The following FOCAD variants were observed in gnomAD, a reference collection of about 807,000 sequenced individuals.
The protein encoded by FOCAD is focadhesin, also known as KIAA1797.
A neutral mutation model predicts 225.6 loss-of-function variants in FOCAD; 198 were observed. The ratio of observed to expected loss-of-function variants is 0.88; its 90% CI spans 0.78 to 0.99. The LOEUF (loss-of-function observed/expected upper bound fraction) is 0.99. Ranked by LOEUF, FOCAD falls within the 50% of genes least tolerant of loss-of-function variation. The probability of loss-of-function intolerance (pLI) is 0.00; values close to 1 mark genes in which losing one functional copy is unlikely to be tolerated. For missense variants in FOCAD, 2,713 were observed against 2,123.6 expected (o/e 1.28, Z -5.46); for synonymous variants, 897 against 755.0 (o/e 1.19, Z -3.08).
intron 2 of FOCAD, among the ~76,000 whole-genome samples, chr9:20,662,146 T>C (rs953967117): frequency 3.3e-5 from 5 of 152,192 alleles, no homozygotes; most frequent in Non-Finnish European, 7.3e-5. Flanking sequence ...TTTTATTTTT[T>C]AAATGTGGCT....
chr9:20,942,888 G>A (rs1241259906), intron 28 of FOCAD, among the ~76,000 whole-genome samples: 1 of 152,162 alleles, frequency 6.6e-6, no homozygotes, highest in East Asian at 1.9e-4. Context: ...TATTAAAGAG[G>A]CTCTCTGCTG....
chr9:20,978,254 G>A (rs1840380433), intron 36 of FOCAD, 85 bp from the exon 37 acceptor site: 1 of 785,122 alleles, frequency 1.3e-6, no homozygotes, highest in African/African-American at 1.8e-5. Flanking sequence ...CACATAAGCA[G>A]ATGCTTTGAT....
intron 11 of FOCAD, among the ~76,000 whole-genome samples, chr9:20,810,165 T>G (rs1021806157): frequency 2.6e-5 from 4 of 152,158 alleles, no homozygotes; most frequent in Non-Finnish European, 4.4e-5. Flanking sequence ...CCTTTCCCAG[T>G]GAAGTCACAC....
chr9:20,784,469 A>C (rs1284614428), intron 10 of FOCAD, among the ~76,000 whole-genome samples: 1 of 152,204 alleles, frequency 6.6e-6, no homozygotes, highest in Non-Finnish European at 1.5e-5. Context: ...AGGAAGTAAG[A>C]AAGAATCGGA....
intron 4 of FOCAD, among the ~76,000 whole-genome samples, chr9:20,728,941 C>T (rs1038593699): frequency 1.3e-5 from 2 of 152,170 alleles, no homozygotes; most frequent in Non-Finnish European, 2.9e-5. Context: ...TTCTTTCTTC[C>T]TGCAGACTTT....
At chr9:20,709,906 T>G (rs1005554640) in intron 1 of FOCAD, among the ~76,000 whole-genome samples, 1 of 152,176 alleles carries the variant, frequency 6.6e-6, no homozygotes, top group African/African-American at 2.4e-5. Context: ...AACAACACTG[T>G]TTTTCCACAG....
intron 34 of FOCAD, among the ~76,000 whole-genome samples, chr9:20,952,709 C>A (rs1837795625): frequency 6.6e-6 from 1 of 151,676 alleles, no homozygotes; most frequent in Non-Finnish European, 1.5e-5. Flanking sequence ...TTTTTTTAAA[C>A]CACTTCACTC....
intron 1 of FOCAD, among the ~76,000 whole-genome samples, chr9:20,694,027 A>C (rs1823144387): frequency 6.6e-6 from 1 of 152,188 alleles, no homozygotes; most frequent in Admixed American, 6.5e-5. Context: ...CATTTTTTAA[A>C]AGAGGTCTTC....
chr9:20,909,778 C>A (rs758976652), intron 22 of FOCAD, among the ~76,000 whole-genome samples: 1 of 152,044 alleles, frequency 6.6e-6, no homozygotes, highest in Non-Finnish European at 1.5e-5. Context: ...TGAGTCCACA[C>A]GCTTAAATAG....
chr9:20,773,250 CTT>C (rs1301456909), intron 8 of FOCAD, among the ~76,000 whole-genome samples: 1 of 152,170 alleles, frequency 6.6e-6, no homozygotes, highest in Non-Finnish European at 1.5e-5. Flanking sequence ...ATGGCAAACA[CTT>C]TGCTATGGCA....
chr9:20,946,341 A>G (rs1373154115), intron 29 of FOCAD, among the ~76,000 whole-genome samples: 2 of 152,160 alleles, frequency 1.3e-5, no homozygotes, highest in Non-Finnish European at 2.9e-5. Context: ...CCCACTGGTG[A>G]TGAAAATCTG....
chr9:20,993,231 C>T (rs1372245366), intron 42 of FOCAD, 22 bp from the exon 43 acceptor site: 2 of 1,597,192 alleles, frequency 1.3e-6, no homozygotes, highest in African/African-American at 2.7e-5. Context: ...TTCTTTGACA[C>T]TATTTTTCAT....
At chr9:20,736,133 C>T (rs562714640) in intron 4 of FOCAD, among the ~76,000 whole-genome samples, 133 of 152,184 alleles carry the variant, frequency 8.7e-4, no homozygotes, top group African/African-American at 3.0e-3. Flanking sequence ...TGTTTGTAGA[C>T]AAGAATGCTG....
intron 23 of FOCAD, among the ~76,000 whole-genome samples, chr9:20,915,546 C>T (rs566730968): frequency 1.3e-5 from 2 of 152,212 alleles, no homozygotes; most frequent in Non-Finnish European, 2.9e-5. Flanking sequence ...ATGACAGGAG[C>T]TCTTTTGGTA....
At chr9:20,888,429 G>A (rs1378717125) in intron 21 of FOCAD, among the ~76,000 whole-genome samples, 3 of 151,898 alleles carry the variant, frequency 2.0e-5, no homozygotes, top group Non-Finnish European at 2.9e-5. Context: ...GAGCCACTGC[G>A]CCTGGCCTTC....
chr9:20,757,885 A>G (rs1375046280), intron 5 of FOCAD, among the ~76,000 whole-genome samples: 1 of 152,158 alleles, frequency 6.6e-6, no homozygotes, highest in Non-Finnish European at 1.5e-5. Flanking sequence ...GTTTTCTGCA[A>G]AAATGTTAGG....
At chr9:20,804,055 C>T (rs1310492908) in intron 11 of FOCAD, among the ~76,000 whole-genome samples, 1 of 152,022 alleles carries the variant, frequency 6.6e-6, no homozygotes, top group African/African-American at 2.4e-5. Flanking sequence ...TAATGCCGAA[C>T]CATTTTCTGT....
At chr9:20,781,639 T>G in intron 9 of FOCAD, 88 bp from the exon 10 acceptor site, 1 of 1,136,172 alleles carries the variant, frequency 8.8e-7, no homozygotes, top group Non-Finnish European at 1.3e-6. Flanking sequence ...GAAGAAAACT[T>G]TCTTGCATAT....
intron 4 of FOCAD, among the ~76,000 whole-genome samples, chr9:20,729,619 T>A (rs1826504700): frequency 6.6e-6 from 1 of 152,172 alleles, no homozygotes; most frequent in African/African-American, 2.4e-5. Context: ...CTAGGATCAC[T>A]TATACAGTAA....
Sources: gnomAD v4.1 joint callset for allele counts (sites outside exome capture counted in the v4.1 genomes callset) on GRCh38, gnomAD v4.1.1 for gene constraint, MANE v1.5 for transcripts, NCBI Gene and HGNC (gene_info 2026-07-23, HGNC 2026-07-21) for gene names.